The following TTBK2 variants were observed in gnomAD, a reference collection of about 807,000 sequenced individuals.
TTBK2 encodes the protein tau tubulin kinase 2.
TTBK2 carries 28 observed loss-of-function variants against 110.8 expected under a neutral mutation model. The ratio of observed to expected loss-of-function variants is 0.25; its 90% CI spans 0.19 to 0.35. The LOEUF is 0.35. Ranked by LOEUF, TTBK2 falls within the 10% of genes least tolerant of loss-of-function variation. The probability of loss-of-function intolerance (pLI) is 1.00; values close to 1 mark genes in which losing one functional copy is unlikely to be tolerated. For missense variants in TTBK2, 1,369 were observed against 1,500.3 expected, an observed-to-expected ratio of 0.91 and a Z score of 1.45; for synonymous variants, 532 against 527.3, an observed-to-expected ratio of 1.01 and a Z score of -0.12.
intron 14 of TTBK2, among the ~76,000 whole-genome samples, chr15:42,751,652 G>A (rs1430992725): frequency 2.6e-5 from 4 of 152,204 alleles, no homozygotes; most frequent in Non-Finnish European, 5.9e-5. Flanking sequence ...TGAGGCAGAA[G>A]AGAATCTCTT....
chr15:42,861,135 A>T (rs1219739562), intron 3 of TTBK2, among the ~76,000 whole-genome samples: 3 of 152,198 alleles, frequency 2.0e-5, no homozygotes, highest in Non-Finnish European at 4.4e-5. Context: ...CTATGAAAAG[A>T]CTTAGCCCCA....
chr15:42,840,353 A>G lies in TTBK2; in HGVS notation c.291+7T>C. On this transcript the variant is annotated splice_region_variant and intron_variant, in intron 4 of 14. Coordinates refer to ENST00000267890, the MANE Select transcript of TTBK2 (RefSeq NM_173500.4). ...GAATTTAAAGATACGTTTTCAAGGT[A>G]ACCTACCTGCAACTGCATGACCACA... The G allele has an allele frequency of 6.2e-7, 1 of 1,612,822 alleles. No homozygotes were observed. The highest frequency in any genetic ancestry group is 1.3e-5 in the African/African-American group (1 of 75,014).
In TTBK2 at chr15:42,818,514, T is replaced by C. The variant is rs921209625; in HGVS notation, c.538-1417A>G. ...GCGGGCAGATCACAAGGTCAGAAGA[T>C]AGAGACCATCCTGGCTAACACGGTG... On this transcript the variant is annotated intron_variant, in intron 6 of 14. Coordinates refer to ENST00000267890, the MANE Select transcript of TTBK2 (RefSeq NM_173500.4). Among the ~76,000 whole-genome samples, 57 of 152,108 alleles carry C rather than the reference T, an allele frequency of 3.7e-4. 1 individual carries two copies. The South Asian group carries it at 7.9e-3, about 21-fold the overall frequency.
chr15:42,813,834 C>T (rs927482168), intron 7 of TTBK2, among the ~76,000 whole-genome samples: 5 of 149,272 alleles, frequency 3.3e-5, no homozygotes, highest in South Asian at 2.1e-4. Context: ...CGAAGGAGGG[C>T]GAGAGAGCAG....
intron 1 of TTBK2, among the ~76,000 whole-genome samples, chr15:42,881,941 T>C (rs1285132583): frequency 6.6e-6 from 1 of 150,986 alleles, no homozygotes; most frequent in East Asian, 1.9e-4. Flanking sequence ...CTGGATGGGG[T>C]CAATAGAAAA....
In TTBK2 at chr15:42,745,923, A is replaced by T; in HGVS notation, c.3607T>A (p.Ser1203Thr). The T allele has an allele frequency of 6.2e-7, 1 of 1,613,490 alleles. No individual in the cohort carries two copies. Residue 1203 changes from serine to threonine, a missense_variant, in exon 15 of 15, where the codon TCC (serine) becomes ACC (threonine). Coordinates refer to ENST00000267890, the MANE Select transcript of TTBK2 (RefSeq NM_173500.4). The part of the protein sequence containing the change: ...SHSGSSSSRR[S>T]CQQEHCKPSK... ...GGTTTGCAATGCTCCTGTTGGCAGG[A>T]CCTCCTGGAGGAGGAAGATCCTGAG...
At position 42,777,017 on chromosome 15, in the gene TTBK2, A is replaced by G; in HGVS notation, c.1409+14T>C. On this transcript the variant is annotated intron_variant, in intron 12 of 14. Transcript: ENST00000267890. ...CCTTAGAAGCTTTAAAAAGAAAAAT[A>G]CACTATTTTATACCAGGTCTCAAGG... The G allele has an allele frequency of 2.5e-6, 4 of 1,612,698 alleles. No homozygotes were observed. Among genetic ancestry groups the G allele is most frequent in the Non-Finnish European group, 3.4e-6 (4 of 1,178,782 alleles).
intron 10 of TTBK2, among the ~76,000 whole-genome samples, chr15:42,789,228 C>A (rs2140840062): frequency 6.6e-6 from 1 of 152,144 alleles, no homozygotes; most frequent in East Asian, 1.9e-4. Context: ...CTCCTTGAAC[C>A]CCCTGTGGTA....
At chr15:42,749,919 A>G (rs1357268842) in intron 14 of TTBK2, among the ~76,000 whole-genome samples, 2 of 152,124 alleles carry the variant, frequency 1.3e-5, no homozygotes, top group Non-Finnish European at 2.9e-5. Flanking sequence ...ACAACCATCA[A>G]AAAAACAAAC....
At chr15:42,901,656 C>T (rs1286790181) in intron 1 of TTBK2, among the ~76,000 whole-genome samples, 2 of 149,632 alleles carry the variant, frequency 1.3e-5, no homozygotes, top group African/African-American at 2.4e-5. Flanking sequence ...AAATTTAAAA[C>T]TTTTGTGCAT....
rs758174019 is a variant in TTBK2 at position 42,878,613 on chromosome 15, C to T, written c.5G>A (p.Ser2Asn). 1.2e-6 allele frequency: 2 copies of T among 1,613,988 alleles called. No homozygotes were observed. Among genetic ancestry groups the T allele is most frequent in the South Asian group, 2.2e-5 (2 of 91,076 alleles). ...GATATCCAGCTGCTCTCCTCCCCCA[C>T]TCATTGCAATACACTGATATGGTAG... M[S>N]GGGEQLDILS... The change falls in exon 2 of 15, where the codon AGT (serine) becomes AAT (asparagine). Residue 2 changes from serine to asparagine, a missense_variant. Physicochemically the swap from Ser to Asn is conservative, Grantham distance 46. This residue lies in a region of TTBK2 where 122 missense variants were observed against 159.7 expected (regional missense o/e 0.76). Coordinates refer to ENST00000267890, the MANE Select transcript of TTBK2 (RefSeq NM_173500.4).
At chr15:42,765,077 C>T (rs1201764078) in intron 13 of TTBK2, among the ~76,000 whole-genome samples, 1 of 152,186 alleles carries the variant, frequency 6.6e-6, no homozygotes, top group African/African-American at 2.4e-5. Context: ...ACAGAAAGGA[C>T]ATCCACACCA....
At chr15:42,838,642 C>T (rs1893092876) in intron 4 of TTBK2, among the ~76,000 whole-genome samples, 1 of 151,986 alleles carries the variant, frequency 6.6e-6, no homozygotes, top group African/African-American at 2.4e-5. Flanking sequence ...ATGATGAAAT[C>T]CCATCTCTAC....
rs925800314 is a variant in TTBK2, at chr15:42,766,876, G to A, written c.1998+8259C>T. On this transcript the variant is annotated intron_variant, in intron 13 of 14. Coordinates refer to ENST00000267890, the MANE Select transcript of TTBK2 (RefSeq NM_173500.4). ...TACTTATTCCAAAGTTCACCACACA[G>A]TTGGAAGTAGAGCACTCCTCAGCAA... is the stretch of plus-strand genomic sequence containing the variant. Among the ~76,000 whole-genome samples, 3 of 152,150 alleles carry A rather than the reference G, an allele frequency of 2.0e-5. 1 individual carries two copies. In the South Asian group the frequency reaches 6.2e-4, roughly 32 times the overall value.
intron 3 of TTBK2, chr15:42,855,024 T>C (rs1454702101): frequency 6.6e-6 from 1 of 152,200 alleles, no homozygotes; most frequent in South Asian, 2.1e-4. Flanking sequence ...AGTTTAAATA[T>C]ACATAATCTC....
intron 1 of TTBK2, among the ~76,000 whole-genome samples, chr15:42,888,749 TCTTTA>T (rs1895339023): frequency 6.6e-6 from 1 of 152,168 alleles, no homozygotes; most frequent in African/African-American, 2.4e-5. Context: ...TCTCAAGGCC[TCTTTA>T]CTTCCAAAGG....
intron 6 of TTBK2, among the ~76,000 whole-genome samples, chr15:42,826,704 C>T (rs1892548019): frequency 6.6e-6 from 1 of 152,220 alleles, no homozygotes; most frequent in South Asian, 2.1e-4. Context: ...GACCATGTGA[C>T]AGCCCCGGAG....
chr15:42,884,021 G>A (rs183621980), intron 1 of TTBK2, among the ~76,000 whole-genome samples: 461 of 152,108 alleles, frequency 3.0e-3, no homozygotes, highest in Non-Finnish European at 5.6e-3. Context: ...AAAATCACTG[G>A]AGATAAAAAG....
chr15:42,784,094 AG>A (rs1326013558), intron 10 of TTBK2, among the ~76,000 whole-genome samples: 1 of 151,628 alleles, frequency 6.6e-6, no homozygotes, highest in Non-Finnish European at 1.5e-5. Flanking sequence ...CAAAAGAAAA[AG>A]AAAAAAAAAA....
Sources: allele counts gnomAD v4.1 joint callset (sites outside exome capture counted in the v4.1 genomes callset), GRCh38; gene constraint gnomAD v4.1.1; regional missense constraint gnomAD v4.1.1; transcripts MANE v1.5; gene names NCBI Gene and HGNC (gene_info 2026-07-23, HGNC 2026-07-21).